Variants in HTR2A observed in about 807,000 individuals in gnomAD.
HTR2A encodes 5-hydroxytryptamine receptor 2A.
Under a neutral mutation model 31.0 loss-of-function variants are expected in HTR2A, and 14 were observed. That is an observed-to-expected ratio of 0.45 (90% confidence interval 0.30 to 0.71). The LOEUF is 0.71. HTR2A is among the 30% of genes least tolerant of loss of function. The pLI, the probability that HTR2A is intolerant of heterozygous loss-of-function variation, is 0.09. For missense variants in HTR2A, 442 were observed against 573.3 expected (o/e 0.77, Z 2.34); for synonymous variants, 209 against 225.2 (o/e 0.93, Z 0.64).
intron 3 of HTR2A, among the ~76,000 whole-genome samples, chr13:46,836,429 G>T (rs913522299): frequency 6.6e-6 from 1 of 152,086 alleles, no homozygotes; most frequent in Non-Finnish European, 1.5e-5. Flanking sequence ...TTTACATGCA[G>T]TACTTTGTAC....
intron 3 of HTR2A, among the ~76,000 whole-genome samples, chr13:46,876,695 C>T (rs1027860411): frequency 2.6e-5 from 4 of 151,948 alleles, no homozygotes; most frequent in Non-Finnish European, 4.4e-5. Context: ...GGATTACAGG[C>T]GTGAGCCACC....
chr13:46,882,040 T>C (rs1433053286), intron 3 of HTR2A, among the ~76,000 whole-genome samples: 1 of 152,128 alleles, frequency 6.6e-6, no homozygotes, highest in African/African-American at 2.4e-5. Flanking sequence ...CTTCATTCCA[T>C]ATAGAATTTG....
At chr13:46,843,025 C>T (rs964436925) in intron 3 of HTR2A, among the ~76,000 whole-genome samples, 2 of 152,312 alleles carry the variant, frequency 1.3e-5, no homozygotes, top group South Asian at 2.1e-4. Context: ...TGTCCTACTC[C>T]ACCCCACCTG....
intron 3 of HTR2A, among the ~76,000 whole-genome samples, chr13:46,865,851 T>C (rs559696464): frequency 6.6e-6 from 1 of 152,332 alleles, no homozygotes; most frequent in African/African-American, 2.4e-5. Context: ...CTGTGTAGGA[T>C]ACTGATCAGC....
At position 46,834,592 on chromosome 13, in the gene HTR2A, T is replaced by C; in HGVS notation, c.*245A>G. ...AAAAGTGAATCATTTTAAAGACATA[T>C]CATTTACAATGTTATAAATAAGTAT... On this transcript the variant is annotated 3_prime_UTR_variant, in exon 4 of 4. Coordinates refer to ENST00000542664, the MANE Select transcript of HTR2A (RefSeq NM_000621.5). 2 of 460,874 alleles carry C rather than the reference T, an allele frequency of 4.3e-6. No individual in the cohort carries two copies. The highest frequency in any genetic ancestry group is 7.6e-6 in the Non-Finnish European group (2 of 261,772). 28.5% of individuals were successfully genotyped at this position (460,874 alleles called of 1,614,324 possible). A position where few individuals can be genotyped will look rare whatever the true frequency, so the allele number is the denominator to read the frequency against.
At chr13:46,881,124 G>A (rs1950958475) in intron 3 of HTR2A, among the ~76,000 whole-genome samples, 1 of 152,198 alleles carries the variant, frequency 6.6e-6, no homozygotes, top group African/African-American at 2.4e-5. Context: ...AGAGGTTTTC[G>A]TGATATTTTA....
intron 3 of HTR2A, among the ~76,000 whole-genome samples, chr13:46,863,657 A>AAAAAAAAAAAAAAAAG (rs1566309853): frequency 5.9e-5 from 7 of 118,198 alleles, no homozygotes; most frequent in African/African-American, 9.1e-5. Flanking sequence ...AAAGAAAAAA[A>AAAAAAAAAAAAAAAAG]AAAAAGACAG....
Position 46,834,936 on chromosome 13 carries a change from T to G in HTR2A, c.1317A>C (p.Thr439=), listed in dbSNP as rs969137287. Residue 439 remains threonine (T), a synonymous_variant, in exon 4 of 4, where the codon ACA becomes ACC. Transcript: ENST00000542664. ...GAGCAACCATTGAGCAGTCATTATC[T>G]GTTGTCTTGGCATCTTGCTTTGAAT... is the stretch of plus-strand genomic sequence containing the variant. ...KKNSKQDAKT[T]DNDCSMVALG... is the part of the protein sequence containing the mutation. 3 of 1,614,020 alleles carry G rather than the reference T, an allele frequency of 1.9e-6. No individual in the cohort carries two copies. In the African/African-American group the frequency reaches 4.0e-5, roughly 22 times the overall value.
chr13:46,893,471 C>A (rs1038502685), intron 2 of HTR2A, among the ~76,000 whole-genome samples: 4 of 152,190 alleles, frequency 2.6e-5, no homozygotes, highest in Non-Finnish European at 5.9e-5. Context: ...GCTCTCACCC[C>A]TGGCTGCACA....
chr13:46,878,776 G>A (rs1400004515), intron 3 of HTR2A, among the ~76,000 whole-genome samples: 2 of 152,126 alleles, frequency 1.3e-5, no homozygotes, highest in African/African-American at 4.8e-5. Context: ...GCATATATGT[G>A]TATGTATACA....
intron 3 of HTR2A, among the ~76,000 whole-genome samples, chr13:46,885,178 C>CA (rs1950996911): frequency 6.6e-6 from 1 of 152,106 alleles, no homozygotes; most frequent in South Asian, 2.1e-4. Context: ...GACTGGACTA[C>CA]AAGCACTATG....
chr13:46,890,264 A>G (rs1354672464), intron 3 of HTR2A, among the ~76,000 whole-genome samples: 1 of 152,256 alleles, frequency 6.6e-6, no homozygotes, highest in Non-Finnish European at 1.5e-5. Flanking sequence ...AATAGCTTGA[A>G]TGCGGGAGGC....
At chr13:46,840,982 A>G (rs1053034843) in intron 3 of HTR2A, among the ~76,000 whole-genome samples, 6 of 152,120 alleles carry the variant, frequency 3.9e-5, no homozygotes, top group African/African-American at 1.4e-4. Flanking sequence ...TGATTGGATC[A>G]TGGGGAGGTT....
At chr13:46,888,659 G>A (rs1951028147) in intron 3 of HTR2A, among the ~76,000 whole-genome samples, 1 of 152,200 alleles carries the variant, frequency 6.6e-6, no homozygotes, top group African/African-American at 2.4e-5. Flanking sequence ...AACAGCAACA[G>A]GGGTTAATAT....
At chr13:46,839,073 C>G (rs912222032) in intron 3 of HTR2A, among the ~76,000 whole-genome samples, 6 of 151,440 alleles carry the variant, frequency 4.0e-5, no homozygotes, top group African/African-American at 1.5e-4. Context: ...ATAGAGAATC[C>G]CTCTCTTAAA....
In HTR2A at chr13:46,835,482, A is replaced by C. The variant is rs1190453243; in HGVS notation, c.771T>G (p.Thr257=). The C allele has an allele frequency of 1.9e-6, 3 of 1,614,080 alleles. No individual in the cohort carries two copies. The highest frequency in any genetic ancestry group is 2.5e-6 in the Non-Finnish European group (3 of 1,179,972). The change falls in exon 4 of 4, where the codon ACT becomes ACG. Residue 257 remains threonine, a synonymous_variant. Coordinates refer to ENST00000542664, the MANE Select transcript of HTR2A (RefSeq NM_000621.5). The part of the protein sequence containing the change: ...LTIMVITYFL[T]IKSLQKEATL... ...TAGCTTCTTTCTGGAGTGACTTGATAGTTAGAAAGTAGGTGATCACCATGA... is the reference window on the plus strand; with the variant it reads ...TAGCTTCTTTCTGGAGTGACTTGATCGTTAGAAAGTAGGTGATCACCATGA...
chr13:46,855,851 A>G (rs991748384), intron 3 of HTR2A, among the ~76,000 whole-genome samples: 3 of 152,186 alleles, frequency 2.0e-5, no homozygotes, highest in African/African-American at 7.2e-5. Context: ...ATAACATATG[A>G]TGTGGGTGGG....
intron 3 of HTR2A, among the ~76,000 whole-genome samples, chr13:46,849,667 GCTT>G (rs1303725749): frequency 6.6e-6 from 1 of 152,158 alleles, no homozygotes; most frequent in East Asian, 1.9e-4. Context: ...ACCATGGCTG[GCTT>G]CTTCTTATTT....
At chr13:46,876,398 ATATATATTTTTTTT>A (rs1282138897) in intron 3 of HTR2A, among the ~76,000 whole-genome samples, 1 of 97,020 alleles carries the variant, frequency 1.0e-5, no homozygotes, top group Non-Finnish European at 1.9e-5. Flanking sequence ...ATATATATAT[ATATATATTTTTTTT>A]TTTTTTTTTT....
Sources: allele counts gnomAD v4.1 joint callset (sites outside exome capture counted in the v4.1 genomes callset), GRCh38; gene constraint gnomAD v4.1.1; transcripts MANE v1.5; gene names NCBI Gene and HGNC (gene_info 2026-07-23, HGNC 2026-07-21).